Variants in GLI3 observed in about 807,000 individuals in gnomAD.
GLI3 encodes the protein transcription activator GLI3.
GLI3 carries 20 observed loss-of-function variants against 100.8 expected under a neutral mutation model. That is an observed-to-expected ratio of 0.20 (90% CI 0.14 to 0.29). The LOEUF (loss-of-function observed/expected upper bound fraction) is 0.29, where lower values mean the gene tolerates loss of function less well. Among genes scored for constraint, GLI3 ranks in the 10% least tolerant of loss-of-function variants. The pLI, the probability that GLI3 is intolerant of heterozygous loss-of-function variation, is 1.00. For synonymous variants in GLI3, 938 were observed against 860.5 expected, an observed-to-expected ratio of 1.09 and a Z score of -1.58; for missense variants, 2,040 against 2,128.5, an observed-to-expected ratio of 0.96 and a Z score of 0.82.
At chr7:42,143,576 C>A (rs757350444) in intron 3 of GLI3, among the ~76,000 whole-genome samples, 5 of 152,198 alleles carry the variant, frequency 3.3e-5, no homozygotes, top group Admixed American at 6.5e-5. Flanking sequence ...GAAAAAAAAT[C>A]TATGCAGTTT....
intron 7 of GLI3, among the ~76,000 whole-genome samples, chr7:42,030,696 G>GTTTTTTTTTTTTTTTTTTTTT (rs201325272): frequency 1.5e-5 from 2 of 133,472 alleles, no homozygotes; most frequent in African/African-American, 5.5e-5. Flanking sequence ...TTGTTGATTT[G>GTTTTTTTTTTTTTTTTTTTTT]TTTTTTTTTT....
chr7:41,990,944 C>A (rs1476113604), intron 10 of GLI3, among the ~76,000 whole-genome samples: 11 of 151,918 alleles, frequency 7.2e-5, no homozygotes, highest in African/African-American at 2.4e-4. Context: ...ACAGGCACGT[C>A]TCAAGAACTA....
At chr7:42,016,939 C>T (rs1237557637) in intron 10 of GLI3, among the ~76,000 whole-genome samples, 1 of 152,202 alleles carries the variant, frequency 6.6e-6, no homozygotes, top group Admixed American at 6.5e-5. Context: ...ATCTCCTCCT[C>T]CCAGTCAGAC....
chr7:41,978,145 G>A (rs747964972), intron 11 of GLI3, among the ~76,000 whole-genome samples: 3 of 152,188 alleles, frequency 2.0e-5, no homozygotes, highest in African/African-American at 4.8e-5. Flanking sequence ...AGTGCGCCTC[G>A]TGGGCACCTC....
At chr7:42,171,909 C>T (rs1398724354) in intron 2 of GLI3, among the ~76,000 whole-genome samples, 1 of 151,834 alleles carries the variant, frequency 6.6e-6, no homozygotes, top group African/African-American at 2.4e-5. Context: ...CAGAGTTTCC[C>T]AACAAAATTG....
chr7:42,162,168 G>A (rs961890329), intron 2 of GLI3, among the ~76,000 whole-genome samples: 4 of 152,202 alleles, frequency 2.6e-5, no homozygotes, highest in Admixed American at 6.5e-5. Flanking sequence ...GCCATGGAGA[G>A]GAAAGGCCTC....
At position 41,966,550 on chromosome 7, in the gene GLI3, C is replaced by T; in HGVS notation, c.2523G>A (p.Leu841=). Reference sequence around the variant, plus strand: ...TGCTGTCCCTTCTGTTGAGCATGTTCAGCATAGTGACGTCCACCCCAGAGA... The same window carrying T: ...TGCTGTCCCTTCTGTTGAGCATGTTTAGCATAGTGACGTCCACCCCAGAGA... ...SDLSGVDVTM[L]NMLNRRDSSA... The change falls in exon 15 of 15, where the codon CTG becomes CTA. Residue 841 remains leucine (L), a synonymous_variant. Transcript: ENST00000395925. This position sits in a 1 kb window ranked among gnomAD's most constrained non-coding sequence, Gnocchi z 5.8. 6.2e-7 allele frequency: 1 copy of T among 1,614,020 alleles called. No homozygotes were observed. The highest frequency in any genetic ancestry group is 8.5e-7 in the Non-Finnish European group (1 of 1,180,028).
chr7:41,985,909 T>C (rs535235844), intron 10 of GLI3, among the ~76,000 whole-genome samples: 4 of 152,220 alleles, frequency 2.6e-5, no homozygotes, highest in Non-Finnish European at 5.9e-5. Context: ...ATTGTTTTGG[T>C]GGCACCCATC....
At chr7:42,115,133 CT>C (rs56200386) in intron 3 of GLI3, among the ~76,000 whole-genome samples, 3,844 of 99,532 alleles carry the variant, frequency 0.039, 32 homozygotes, top group Admixed American at 0.09. Flanking sequence ...AATTTTCCTA[CT>C]TTTTTTTTTT....
intron 10 of GLI3, among the ~76,000 whole-genome samples, chr7:41,985,296 G>C (rs1787787721): frequency 6.6e-6 from 1 of 152,202 alleles, no homozygotes; most frequent in African/African-American, 2.4e-5. Flanking sequence ...TAGTCTACCA[G>C]GTGAGCTCAT....
chr7:42,042,177 T>A (rs1241483271), intron 6 of GLI3, among the ~76,000 whole-genome samples: 1 of 151,972 alleles, frequency 6.6e-6, no homozygotes, highest in African/African-American at 2.4e-5. Flanking sequence ...CACGCCCGGA[T>A]AATTTTTTTT....
At chr7:42,101,628 A>G (rs1485117655) in intron 3 of GLI3, among the ~76,000 whole-genome samples, 1 of 151,302 alleles carries the variant, frequency 6.6e-6, no homozygotes, top group Non-Finnish European at 1.5e-5. Flanking sequence ...TAAATGTATA[A>G]TTGCTTTAAT....
intron 3 of GLI3, among the ~76,000 whole-genome samples, chr7:42,093,973 G>C (rs984695861): frequency 1.3e-5 from 2 of 152,006 alleles, no homozygotes. Flanking sequence ...ACCAAAAATT[G>C]ACTTTCATTC....
At chr7:42,016,052 A>C (rs979468298) in intron 10 of GLI3, among the ~76,000 whole-genome samples, 1 of 152,080 alleles carries the variant, frequency 6.6e-6, no homozygotes, top group African/African-American at 2.4e-5. Flanking sequence ...CTCCCACTAT[A>C]AAGAACTGGC....
At chr7:42,191,655 AAT>A (rs148053031) in intron 2 of GLI3, among the ~76,000 whole-genome samples, 134 of 148,672 alleles carry the variant, frequency 9.0e-4, no homozygotes, top group African/African-American at 2.9e-3. Context: ...CGTTTCAAAA[AAT>A]ATATATATAT....
intron 2 of GLI3, chr7:42,151,481 G>C (rs1024364835): frequency 2.6e-5 from 4 of 152,166 alleles, no homozygotes; most frequent in Non-Finnish European, 5.9e-5. Context: ...GTGCAGACAG[G>C]CTACGCCAGG....
intron 2 of GLI3, among the ~76,000 whole-genome samples, chr7:42,165,366 G>T (rs1356419303): frequency 6.6e-6 from 1 of 152,092 alleles, no homozygotes; most frequent in Non-Finnish European, 1.5e-5. Flanking sequence ...CTACATGAAG[G>T]TTTTAAGAGT....
chr7:42,161,613 C>T (rs1787131858), intron 2 of GLI3, among the ~76,000 whole-genome samples: 1 of 152,168 alleles, frequency 6.6e-6, no homozygotes, highest in Non-Finnish European at 1.5e-5. Context: ...CAATATCATC[C>T]TACAGATGAC....
rs370714837 is a variant in GLI3 at position 41,965,812 on chromosome 7, G to C, written c.3261C>G (p.Asn1087Lys). 1.4e-5 allele frequency: 22 copies of C among 1,613,540 alleles called. No individual in the cohort carries two copies. The highest frequency in any genetic ancestry group is 1.9e-5 in the Non-Finnish European group (22 of 1,179,932). ...CGTCGTCCGGCAGGAAATCCTCATC[G>C]TTCAGGTTGGCATCAGCGTCCATGG... ...SLTMDADANLNDEDFLPDDVV... is the reference protein window; with the variant it reads ...SLTMDADANLKDEDFLPDDVV... Residue 1087 changes from asparagine to lysine, a missense_variant, in exon 15 of 15, where the codon AAC (asparagine) becomes AAG (lysine). Asn to Lys is a moderately conservative substitution (Grantham distance 94). Around this residue, in one of 5 missense-constraint regions of GLI3, gnomAD observed 1,041 missense variants for 924.0 expected, o/e 1.13. Coordinates refer to ENST00000395925, the MANE Select transcript of GLI3 (RefSeq NM_000168.6).
Sources: gnomAD v4.1 joint callset for allele counts (sites outside exome capture counted in the v4.1 genomes callset) on GRCh38, gnomAD v4.1.1 for gene constraint, gnomAD v4.1.1 regional missense constraint, Gnocchi (gnomAD v3.1) non-coding constraint, MANE v1.5 for transcripts, NCBI Gene and HGNC (gene_info 2026-07-23, HGNC 2026-07-21) for gene names.